Variants in RPS5 observed in about 807,000 individuals in gnomAD.
RPS5 encodes small ribosomal subunit protein uS7.
RPS5 carries 2 observed loss-of-function variants against 20.9 expected under a neutral mutation model. The ratio of observed to expected loss-of-function variants is 0.10; its 90% CI spans 0.04 to 0.30. RPS5 has a LOEUF of 0.30. Ranked by LOEUF, RPS5 falls within the 10% of genes least tolerant of loss-of-function variation. RPS5 has a pLI of 1.00. For missense variants in RPS5, 122 were observed against 287.2 expected, an observed-to-expected ratio of 0.42 and a Z score of 4.16; for synonymous variants, 112 against 105.8, an observed-to-expected ratio of 1.06 and a Z score of -0.36.
intron 2 of RPS5, 32 bp downstream of exon 2, chr19:58,388,277 C>A (rs2052339953): frequency 1.4e-6 from 2 of 1,453,268 alleles, no homozygotes; most frequent in Non-Finnish European, 9.6e-7. Context: ...GCCTTCCTGG[C>A]TGGGGGCGGA....
intron 4 of RPS5, 61 bp from the exon 5 acceptor site, chr19:58,394,436 G>A: frequency 6.9e-7 from 1 of 1,439,316 alleles, no homozygotes; most frequent in Non-Finnish European, 9.8e-7. Flanking sequence ...GTTGGGAGTG[G>A]CCCCAGGGTG....
intron 2 of RPS5, among the ~76,000 whole-genome samples, chr19:58,390,881 T>G (rs1455601704): frequency 6.6e-6 from 1 of 152,072 alleles, no homozygotes; most frequent in African/African-American, 2.4e-5. Flanking sequence ...GACTATGAAA[T>G]AGTACTGAGA....
intron 4 of RPS5, 108 bp downstream of exon 4, chr19:58,393,595 C>T (rs2052377890): frequency 2.9e-6 from 4 of 1,384,054 alleles, no homozygotes; most frequent in Non-Finnish European, 3.9e-6. Flanking sequence ...TTACCTGCAG[C>T]ATCACTTCCT....
chr19:58,393,122 G>A lies in RPS5; in HGVS notation c.255G>A (p.Lys85=), dbSNP rs771336588. 5.6e-6 allele frequency: 9 copies of A among 1,614,242 alleles called. No homozygotes were observed. In the South Asian group the frequency reaches 8.8e-5, roughly 16 times the overall value. ...TGATGCACGGCCGCAACAACGGCAA[G>A]AAGCTCATGACTGTGCGCATCGTCA... is the stretch of plus-strand genomic sequence containing the variant. ...SMMMHGRNNG[K]KLMTVRIVKH... Residue 85 remains lysine (K), a synonymous_variant, in exon 3 of 6, where the codon AAG becomes AAA. Transcript: ENST00000196551.
Position 58,388,636 on chromosome 19 carries a change from G to GTTTTT in RPS5, c.108+411_108+415dup, listed in dbSNP as rs3048304. On this transcript the variant is annotated intron_variant, in intron 2 of 5. Coordinates refer to ENST00000196551, the MANE Select transcript of RPS5 (RefSeq NM_001009.4). ...ACTTGTCATAAATCAGCTGGCCGTA[G>GTTTTT]TTTTTTTTTTTTTTTTTTTTTTTTG... 594 of 209,386 alleles carry GTTTTT rather than the reference G, an allele frequency of 2.8e-3. 13 individuals carry two copies. The highest frequency in any genetic ancestry group is 3.5e-3 in the South Asian group (17 of 4,876). The allele number at this position is 209,386 out of a possible 1,614,324, so 13.0% of individuals were successfully genotyped here.
chr19:58,394,793 C>T lies in RPS5; in HGVS notation c.*43C>T, dbSNP rs767720552. ...CAATAAACCTGTCTGCCCTTTGGGG[C>T]AGTCCCAGCCACCTGTGCTGTTGTC... On this transcript the variant is annotated 3_prime_UTR_variant, in exon 6 of 6. Transcript: ENST00000196551. The T allele has an allele frequency of 1.1e-5, 18 of 1,597,310 alleles. No homozygotes were observed. Among genetic ancestry groups the T allele is most frequent in the Non-Finnish European group, 1.3e-5 (15 of 1,164,972 alleles).
At chr19:58,392,832 C>T (rs1425377189) in intron 2 of RPS5, 144 bp from the exon 3 acceptor site, 1 of 704,088 alleles carries the variant, frequency 1.4e-6, no homozygotes, top group East Asian at 2.7e-5. Flanking sequence ...GGCTTACATC[C>T]AAGTCCCCTG....
rs61279930 is a variant in RPS5 at position 58,390,426 on chromosome 19, CTTTTTTTTTTTTTT to C, written c.108+2197_108+2210del. On this transcript the variant is annotated intron_variant, in intron 2 of 5. Transcript: ENST00000196551. ...TTGTGGGCCACACTGGCCACTGTTA[CTTTTTTTTTTTTTT>C]TTTTTTTTTTTTTTTGAGATGGAGT... Among the ~76,000 whole-genome samples the C allele has an allele frequency of 3.1e-4, 15 of 47,708 alleles. No homozygotes were observed. In the South Asian group the frequency reaches 8.5e-3, roughly 27 times the overall value. The allele number at this position is 47,708 out of a possible 152,430, so 31.3% of individuals were successfully genotyped here.
In RPS5 at chr19:58,393,411, A is replaced by G. The variant is rs1335679527; in HGVS notation, c.371A>G (p.Asp124Gly). The G allele has an allele frequency of 6.2e-7, 1 of 1,613,304 alleles. No homozygotes were observed. The highest frequency in any genetic ancestry group is 1.3e-5 in the African/African-American group (1 of 74,894). The change falls in exon 4 of 6, where the codon GAC becomes GGC. Residue 124 changes from aspartate to glycine, a missense_variant. This residue lies in a region of RPS5 where 10 missense variants were observed against 52.0 expected (regional missense o/e 0.19). Transcript: ENST00000196551. ...ATCATCAACAGTGGTCCCCGGGAGG[A>G]CTCCACACGCATTGGGCGCGCCGGG... is the stretch of plus-strand genomic sequence containing the variant. ...NAIINSGPREDSTRIGRAGTV... is the reference protein window; with the variant it reads ...NAIINSGPREGSTRIGRAGTV...
Position 58,393,390 on chromosome 19 carries a change from T to C in RPS5, c.350T>C (p.Ile117Thr). Residue 117 changes from isoleucine to threonine, a missense_variant, in exon 4 of 6, where the codon ATC becomes ACC. Coordinates refer to ENST00000196551, the MANE Select transcript of RPS5 (RefSeq NM_001009.4). ...CTGCAGGTCCTGGTGAACGCCATCATCAACAGTGGTCCCCGGGAGGACTCC... is the reference window on the plus strand; with the variant it reads ...CTGCAGGTCCTGGTGAACGCCATCACCAACAGTGGTCCCCGGGAGGACTCC... ...NPLQVLVNAI[I>T]NSGPREDSTR... The C allele has an allele frequency of 6.2e-7, 1 of 1,613,750 alleles. No individual in the cohort carries two copies. Among genetic ancestry groups the C allele is most frequent in the Non-Finnish European group, 8.5e-7 (1 of 1,180,042 alleles).
At chr19:58,387,800 C>A in intron 1 of RPS5, 1 of 314,182 alleles carries the variant, frequency 3.2e-6, no homozygotes, top group Non-Finnish European at 6.1e-6. Flanking sequence ...GGTCAAAGAC[C>A]ATGTAAATCG....
chr19:58,389,589 G>T (rs968307788), intron 2 of RPS5, among the ~76,000 whole-genome samples: 1 of 151,728 alleles, frequency 6.6e-6, no homozygotes, highest in Admixed American at 6.6e-5. Context: ...TTATTTCGGG[G>T]GGTCCAAAAA....
chr19:58,394,275 A>G (rs1405829605), intron 4 of RPS5: 9 of 554,928 alleles, frequency 1.6e-5, no homozygotes, highest in East Asian at 3.0e-5. Context: ...GCAGGTCTCA[A>G]TCTCCTGTCA....
intron 2 of RPS5, 96 bp from the exon 3 acceptor site, chr19:58,392,880 C>A: frequency 3.4e-6 from 4 of 1,163,544 alleles, no homozygotes; most frequent in Non-Finnish European, 5.0e-6. Context: ...TGTTGGACTA[C>A]CCCGAATGGG....
At chr19:58,393,300 GA>G (rs916278640) in intron 3 of RPS5, 58 bp from the exon 4 acceptor site, 19 of 1,608,070 alleles carry the variant, frequency 1.2e-5, no homozygotes, top group Non-Finnish European at 1.6e-5. Context: ...TTTTAGGTAT[GA>G]GGAAAGGGGA....
chr19:58,388,846 G>T (rs2052345510), intron 2 of RPS5, among the ~76,000 whole-genome samples: 2 of 151,970 alleles, frequency 1.3e-5, no homozygotes, highest in South Asian at 4.2e-4. Flanking sequence ...AGCCAGGATG[G>T]TCTCGATCTC....
rs142892605 is a variant in RPS5, at chr19:58,390,262, C to T, written c.108+2017C>T. 9.5e-3 allele frequency among the ~76,000 whole-genome samples: 1,395 copies of T among 147,294 alleles called. 23 individuals carry two copies. The highest frequency in any genetic ancestry group is 0.033 in the Admixed American group (487 of 14,904). ...AGGCTGGAGTGCAGTGGTGCGATCT[C>T]GGCTCACTGCAACCTCTGCCTCCCC... On this transcript the variant is annotated intron_variant, in intron 2 of 5. Coordinates refer to ENST00000196551, the MANE Select transcript of RPS5 (RefSeq NM_001009.4).
In RPS5 at chr19:58,390,459, A is replaced by T. The variant is rs548314568; in HGVS notation, c.108+2214A>T. Among the ~76,000 whole-genome samples, 97 of 77,426 alleles carry T rather than the reference A, an allele frequency of 1.3e-3. 1 individual carries two copies. Among genetic ancestry groups the T allele is most frequent in the Middle Eastern group, 0.018 (1 of 56 alleles). 50.8% of individuals were successfully genotyped at this position (77,426 alleles called of 152,430 possible). Reference sequence around the variant, plus strand: ...TTTTTTTTTTTTTTTTTTTTTTGAGATGGAGTCGCTCTGTCACCCAGGCTG... The same window carrying T: ...TTTTTTTTTTTTTTTTTTTTTTGAGTTGGAGTCGCTCTGTCACCCAGGCTG... On this transcript the variant is annotated intron_variant, in intron 2 of 5. Transcript: ENST00000196551.
At chr19:58,394,365 CATG>C in intron 4 of RPS5, 129 bp from the exon 5 acceptor site, 1 of 694,088 alleles carries the variant, frequency 1.4e-6, no homozygotes. Flanking sequence ...GCAAATCAGG[CATG>C]ATGCCACCAC....
Sources: gnomAD v4.1 joint callset for allele counts (sites outside exome capture counted in the v4.1 genomes callset) on GRCh38, gnomAD v4.1.1 for gene constraint, gnomAD v4.1.1 regional missense constraint, MANE v1.5 for transcripts, NCBI Gene and HGNC (gene_info 2026-07-23, HGNC 2026-07-21) for gene names.